PTPRO: variants seen among roughly 807,000 people sequenced by gnomAD.
PTPRO encodes the protein protein tyrosine phosphatase receptor type O, also known as receptor-type tyrosine-protein phosphatase O.
A neutral mutation model predicts 145.2 loss-of-function variants in PTPRO; 62 were observed. The ratio of observed to expected loss-of-function variants is 0.43; its 90% CI spans 0.35 to 0.53. The LOEUF (loss-of-function observed/expected upper bound fraction) is 0.53, where lower values mean the gene tolerates loss of function less well. PTPRO is among the 20% of genes least tolerant of loss of function. The probability of loss-of-function intolerance (pLI) is 0.01; values close to 1 mark genes in which losing one functional copy is unlikely to be tolerated. For missense variants in PTPRO, 1,345 were observed against 1,482.7 expected, an observed-to-expected ratio of 0.91 and a Z score of 1.53; for synonymous variants, 565 against 514.7, an observed-to-expected ratio of 1.10 and a Z score of -1.32.
intron 1 of PTPRO, among the ~76,000 whole-genome samples, chr12:15,458,852 A>G (rs1348238623): frequency 6.6e-6 from 1 of 152,016 alleles, no homozygotes; most frequent in Non-Finnish European, 1.5e-5. Context: ...CTGGAGATTA[A>G]TCTTGTACTT....
At chr12:15,413,946 T>C (rs768109271) in intron 1 of PTPRO, among the ~76,000 whole-genome samples, 1 of 152,214 alleles carries the variant, frequency 6.6e-6, no homozygotes, top group African/African-American at 2.4e-5. Context: ...TAGGAACCAG[T>C]AATATATTGA....
chr12:15,453,181 G>A (rs1436167118), intron 1 of PTPRO, among the ~76,000 whole-genome samples: 2 of 151,998 alleles, frequency 1.3e-5, no homozygotes, highest in Non-Finnish European at 2.9e-5. Context: ...AGTAGAGATG[G>A]CATTTCACCA....
chr12:15,509,525 C>T (rs1320616803), intron 7 of PTPRO, among the ~76,000 whole-genome samples: 1 of 151,422 alleles, frequency 6.6e-6, no homozygotes, highest in African/African-American at 2.4e-5. Context: ...GGTGAAAACT[C>T]GTCTCTACTA....
Position 15,583,984 on chromosome 12 carries a change from G to C in PTPRO, c.3255+2183G>C, listed in dbSNP as rs149736345. 4.6e-5 allele frequency among the ~76,000 whole-genome samples: 7 copies of C among 152,274 alleles called. No homozygotes were observed. The South Asian group carries it at 1.0e-3, about 23-fold the overall frequency. ...TTCACATTGCTTCCTTGTTAAGCACGTTTTTACTCAAATGCAGAGTTTCAG... is the reference window on the plus strand; with the variant it reads ...TTCACATTGCTTCCTTGTTAAGCACCTTTTTACTCAAATGCAGAGTTTCAG... On this transcript the variant is annotated intron_variant, in intron 23 of 26. Transcript: ENST00000281171.
intron 12 of PTPRO, among the ~76,000 whole-genome samples, chr12:15,537,093 G>A (rs919768516): frequency 6.6e-6 from 1 of 152,126 alleles, no homozygotes; most frequent in Non-Finnish European, 1.5e-5. Context: ...TATTAACTTG[G>A]AAAAGATTAT....
chr12:15,471,198 G>T (rs1015125583), intron 1 of PTPRO, among the ~76,000 whole-genome samples: 3 of 152,092 alleles, frequency 2.0e-5, no homozygotes, highest in Non-Finnish European at 4.4e-5. Flanking sequence ...GGGCAACATG[G>T]TGAAACCCTG....
intron 1 of PTPRO, among the ~76,000 whole-genome samples, chr12:15,475,803 C>T (rs2136424586): frequency 1.3e-5 from 2 of 152,100 alleles, no homozygotes; most frequent in Middle Eastern, 3.4e-3. Flanking sequence ...TTTGGATCCC[C>T]AGTACTTAGC....
intron 15 of PTPRO, among the ~76,000 whole-genome samples, chr12:15,553,469 C>T (rs1255465312): frequency 6.6e-6 from 1 of 151,996 alleles, no homozygotes; most frequent in Non-Finnish European, 1.5e-5. Flanking sequence ...GAAGAGTGTG[C>T]CCAGTGGCAA....
At chr12:15,347,666 A>G (rs1446197451) in intron 1 of PTPRO, among the ~76,000 whole-genome samples, 1 of 152,236 alleles carries the variant, frequency 6.6e-6, no homozygotes, top group African/African-American at 2.4e-5. Flanking sequence ...TACAAAAGAT[A>G]AATTTTTCTG....
chr12:15,413,136 G>C (rs1406699295), intron 1 of PTPRO, among the ~76,000 whole-genome samples: 1 of 152,096 alleles, frequency 6.6e-6, no homozygotes, highest in Admixed American at 6.6e-5. Flanking sequence ...TGTCACCCAG[G>C]CTGGAATGCA....
At chr12:15,487,017 G>C (rs1941902055) in intron 2 of PTPRO, among the ~76,000 whole-genome samples, 1 of 152,104 alleles carries the variant, frequency 6.6e-6, no homozygotes, top group Non-Finnish European at 1.5e-5. Flanking sequence ...AGGAGTGGTA[G>C]TGGGTATTTC....
At chr12:15,595,196 C>T (rs1944634999) in intron 26 of PTPRO, 139 bp downstream of exon 26, 2 of 687,388 alleles carry the variant, frequency 2.9e-6, no homozygotes, top group Non-Finnish European at 5.3e-6. Flanking sequence ...CTCCTGGCCT[C>T]ACATGGGTGG....
chr12:15,432,759 C>T (rs1233157981), intron 1 of PTPRO, among the ~76,000 whole-genome samples: 2 of 152,148 alleles, frequency 1.3e-5, no homozygotes, highest in East Asian at 1.9e-4. Flanking sequence ...ATCAGTGATG[C>T]TGAGCTTTTT....
At chr12:15,559,141 G>C (rs1943712179) in intron 16 of PTPRO, among the ~76,000 whole-genome samples, 1 of 152,164 alleles carries the variant, frequency 6.6e-6, no homozygotes, top group African/African-American at 2.4e-5. Context: ...ACTCATGAGA[G>C]ATAGATATTA....
intron 1 of PTPRO, among the ~76,000 whole-genome samples, chr12:15,470,544 T>G (rs1941515861): frequency 6.6e-6 from 1 of 152,198 alleles, no homozygotes; most frequent in African/African-American, 2.4e-5. Flanking sequence ...GTTGAATTCT[T>G]TCCTCAAGTG....
intron 1 of PTPRO, among the ~76,000 whole-genome samples, chr12:15,364,896 T>C (rs1938315676): frequency 6.6e-6 from 1 of 152,210 alleles, no homozygotes; most frequent in South Asian, 2.1e-4. Flanking sequence ...TTTGTTATTC[T>C]AATATCAGTT....
chr12:15,516,324 A>G (rs1320324983), intron 8 of PTPRO, among the ~76,000 whole-genome samples: 1 of 147,088 alleles, frequency 6.8e-6, no homozygotes, highest in African/African-American at 2.5e-5. Flanking sequence ...GTAACATAGC[A>G]AGACCCTGTC....
intron 4 of PTPRO, among the ~76,000 whole-genome samples, chr12:15,500,617 A>G (rs1251369269): frequency 1.3e-5 from 2 of 152,160 alleles, no homozygotes; most frequent in African/African-American, 4.8e-5. Context: ...AAGGAGAGAT[A>G]AATTTTTATT....
At chr12:15,423,497 GA>G (rs533410958) in intron 1 of PTPRO, among the ~76,000 whole-genome samples, 21 of 145,374 alleles carry the variant, frequency 1.4e-4, no homozygotes, top group East Asian at 2.0e-4. Context: ...AGACCAGTTT[GA>G]AAAAAAAAAG....
Sources: gnomAD v4.1 joint callset for allele counts (sites outside exome capture counted in the v4.1 genomes callset) on GRCh38, gnomAD v4.1.1 for gene constraint, MANE v1.5 for transcripts, NCBI Gene and HGNC (gene_info 2026-07-23, HGNC 2026-07-21) for gene names.